The following USP34 variants were observed in gnomAD, a reference collection of about 807,000 sequenced individuals.
The protein encoded by USP34 is ubiquitin specific peptidase 34.
USP34 carries 70 observed loss-of-function variants against 460.3 expected under a neutral mutation model. The observed-to-expected ratio is 0.15, with a 90% confidence interval of 0.13 to 0.19. USP34 has a LOEUF of 0.19. Among genes scored for constraint, USP34 ranks in the 10% least tolerant of loss-of-function variants. USP34 has a pLI of 1.00. For missense variants in USP34, 3,985 were observed against 4,236.2 expected (o/e 0.94, Z 1.65); for synonymous variants, 1,647 against 1,405.3 (o/e 1.17, Z -3.85).
At chr2:61,345,572 T>A (rs1691742761) in intron 15 of USP34, among the ~76,000 whole-genome samples, 1 of 152,230 alleles carries the variant, frequency 6.6e-6, no homozygotes, top group Non-Finnish European at 1.5e-5. Context: ...GCACTTATTG[T>A]GCACCAATCA....
intron 1 of USP34, among the ~76,000 whole-genome samples, chr2:61,445,514 A>C (rs1292980638): frequency 6.8e-6 from 1 of 147,024 alleles, no homozygotes; most frequent in African/African-American, 2.5e-5. Flanking sequence ...CAGCCTGGGC[A>C]ACAGATCGAG....
chr2:61,407,027 A>C (rs1693894318), intron 2 of USP34, among the ~76,000 whole-genome samples: 1 of 152,110 alleles, frequency 6.6e-6, no homozygotes, highest in South Asian at 2.1e-4. Context: ...AAAGTATTAC[A>C]AACAAATCCA....
intron 2 of USP34, 22 bp downstream of exon 2, chr2:61,420,724 C>G: frequency 6.5e-7 from 1 of 1,545,226 alleles, no homozygotes; most frequent in Non-Finnish European, 8.7e-7. Context: ...AATTAGTCTT[C>G]GAAATACCTA....
chr2:61,461,156 T>C (rs1573068230), intron 1 of USP34, among the ~76,000 whole-genome samples: 1 of 151,976 alleles, frequency 6.6e-6, no homozygotes, highest in African/African-American at 2.4e-5. Context: ...TTTGGGAGGC[T>C]GAGGCAGGTG....
At chr2:61,403,159 C>G (rs1426138570) in intron 3 of USP34, among the ~76,000 whole-genome samples, 1 of 152,104 alleles carries the variant, frequency 6.6e-6, no homozygotes, top group African/African-American at 2.4e-5. Flanking sequence ...CCTCAAAAAA[C>G]CACTGCTTTC....
chr2:61,375,796 T>C (rs1218920097), intron 8 of USP34, among the ~76,000 whole-genome samples: 1 of 106,532 alleles, frequency 9.4e-6, no homozygotes, highest in Non-Finnish European at 2.0e-5. Flanking sequence ...AAAAAAAAAG[T>C]AGAAACAATC....
chr2:61,370,891 A>G (rs1247410475), intron 8 of USP34, among the ~76,000 whole-genome samples: 12 of 152,154 alleles, frequency 7.9e-5, no homozygotes, highest in Non-Finnish European at 2.9e-5. Context: ...CCCACTTTTT[A>G]ATTTCCACAG....
In USP34 at chr2:61,352,023, C is replaced by CAG. The variant is rs1182335534; in HGVS notation, c.1252-1332_1252-1331dup. On this transcript the variant is annotated intron_variant, in intron 10 of 79. Coordinates refer to ENST00000398571, the MANE Select transcript of USP34 (RefSeq NM_014709.4). ...ATCCCCTATCTGAAATGCTTGGAAG[C>CAG]AGAAGTGTTTCAGGTTTTGGATTTT... 2.6e-5 allele frequency among the ~76,000 whole-genome samples: 4 copies of CAG among 152,248 alleles called. No homozygotes were observed. The East Asian group carries it at 7.7e-4, about 29-fold the overall frequency.
At chr2:61,341,782 A>ATG (rs1691610426) in intron 16 of USP34, among the ~76,000 whole-genome samples, 2 of 105,420 alleles carry the variant, frequency 1.9e-5, no homozygotes, top group South Asian at 7.1e-4. Context: ...TTTTTTTGAG[A>ATG]TGCAGTCTCG....
intron 44 of USP34, 87 bp from the exon 45 acceptor site, chr2:61,257,437 G>T: frequency 9.2e-7 from 1 of 1,088,436 alleles, no homozygotes; most frequent in African/African-American, 1.6e-5. Flanking sequence ...AAAAACAAAA[G>T]AACAGGTAGT....
chr2:61,421,935 T>C (rs1250212315), intron 1 of USP34, among the ~76,000 whole-genome samples: 1 of 152,086 alleles, frequency 6.6e-6, no homozygotes. Context: ...TAATACTGAT[T>C]AACCAAAAAG....
Position 61,383,325 on chromosome 2 carries a change from C to T in USP34, c.765G>A (p.Trp255Ter). The change falls in exon 6 of 80, where the codon TGG becomes TGA. Residue 255 changes from tryptophan (W) to a stop codon, truncating the protein, a stop_gained. Transcript: ENST00000398571. LOFTEE classifies it high-confidence loss of function. ...GCTGCATGACAGCGGGAATATGTAGCCATATTCTAATCTATATAAGAAACA... is the reference window on the plus strand; with the variant it reads ...GCTGCATGACAGCGGGAATATGTAGTCATATTCTAATCTATATAAGAAACA... ...FITVVSNIRI[W>*]LHIPAVMQHI... 1 of 1,600,944 alleles carries T rather than the reference C, an allele frequency of 6.2e-7. No individual in the cohort carries two copies. Among genetic ancestry groups the T allele is most frequent in the Non-Finnish European group, 8.5e-7 (1 of 1,171,590 alleles).
intron 75 of USP34, among the ~76,000 whole-genome samples, chr2:61,194,391 T>A (rs1444564397): frequency 2.0e-5 from 3 of 152,210 alleles, no homozygotes; most frequent in Non-Finnish European, 2.9e-5. Flanking sequence ...GTTCCCATGT[T>A]CCTGTATCCT....
At chr2:61,394,017 A>T (rs1242270038) in intron 5 of USP34, among the ~76,000 whole-genome samples, 1 of 152,070 alleles carries the variant, frequency 6.6e-6, no homozygotes, top group East Asian at 1.9e-4. Flanking sequence ...GCTACTTGGG[A>T]GGCTGAGGCA....
chr2:61,348,363 C>A lies in USP34; in HGVS notation c.1792G>T (p.Ala598Ser), dbSNP rs370929108. 5.6e-6 allele frequency: 9 copies of A among 1,613,886 alleles called. No homozygotes were observed. The highest frequency in any genetic ancestry group is 1.3e-5 in the African/African-American group (1 of 74,932). ...GSSNEVNSSH[A>S]SQSAGSPGSE... is the part of the protein sequence containing the mutation. ...CCAGGGCTCCCAGCTGACTGGCTTG[C>A]GTGGCTAGAATTAACCTCATTGCTA... Residue 598 changes from alanine to serine, a missense_variant, in exon 15 of 80, where the codon GCA (alanine) becomes TCA (serine). Around this residue, in one of 14 missense-constraint regions of USP34, gnomAD observed 716 missense variants for 626.2 expected, o/e 1.14. Coordinates refer to ENST00000398571, the MANE Select transcript of USP34 (RefSeq NM_014709.4).
At chr2:61,465,551 AC>A (rs1695735325) in intron 1 of USP34, among the ~76,000 whole-genome samples, 1 of 152,226 alleles carries the variant, frequency 6.6e-6, no homozygotes, top group African/African-American at 2.4e-5. Flanking sequence ...CATTTAAAAC[AC>A]AATTAACTGG....
intron 3 of USP34, among the ~76,000 whole-genome samples, chr2:61,395,950 A>T (rs1693510634): frequency 6.6e-6 from 1 of 150,816 alleles, no homozygotes; most frequent in South Asian, 2.1e-4. Flanking sequence ...TGTAATACTC[A>T]GGAGGCTGAG....
rs754196783 is a variant in USP34, at chr2:61,278,466, A to G, written c.5257-23T>C. ...TGTCTTAATACAAAAAGAAAATAAA[A>G]ATTCAAATATAAATTTTTTATGTTT... On this transcript the variant is annotated intron_variant, in intron 39 of 79. Coordinates refer to ENST00000398571, the MANE Select transcript of USP34 (RefSeq NM_014709.4). 10 of 1,474,848 alleles carry G rather than the reference A, an allele frequency of 6.8e-6. No individual in the cohort carries two copies. The East Asian group carries it at 2.3e-4, about 33-fold the overall frequency. The allele number at this position is 1,474,848 out of a possible 1,614,324, so 91.4% of individuals were successfully genotyped here. A position where few individuals can be genotyped will look rare whatever the true frequency, so the allele number is the denominator to read the frequency against.
At chr2:61,430,979 C>T (rs1053074778) in intron 1 of USP34, among the ~76,000 whole-genome samples, 5 of 151,892 alleles carry the variant, frequency 3.3e-5, no homozygotes, top group African/African-American at 1.2e-4. Context: ...TGCACTGAAG[C>T]CTGGGCAACA....
Sources: gnomAD v4.1 joint callset for allele counts (sites outside exome capture counted in the v4.1 genomes callset) on GRCh38, gnomAD v4.1.1 for gene constraint, gnomAD v4.1.1 regional missense constraint, MANE v1.5 for transcripts, NCBI Gene and HGNC (gene_info 2026-07-23, HGNC 2026-07-21) for gene names.